Variants in SLC4A8 observed in about 807,000 individuals in gnomAD.
SLC4A8 encodes the protein solute carrier family 4 member 8.
Under a neutral mutation model 125.0 loss-of-function variants are expected in SLC4A8, and 40 were observed. The ratio of observed to expected loss-of-function variants is 0.32; its 90% confidence interval spans 0.25 to 0.42. SLC4A8 has a LOEUF of 0.42. SLC4A8 is among the 10% of genes least tolerant of loss of function. The pLI is 1.00. For synonymous variants in SLC4A8, 456 were observed against 476.0 expected (o/e 0.96, Z 0.55); for missense variants, 863 against 1,355.1 (o/e 0.64, Z 5.70).
intron 2 of SLC4A8, among the ~76,000 whole-genome samples, chr12:51,444,385 C>G (rs979172295): frequency 2.6e-5 from 4 of 152,146 alleles, no homozygotes; most frequent in Non-Finnish European, 5.9e-5. Context: ...GCTCTGACCC[C>G]CTGCCGAACT....
At chr12:51,398,890 C>T (rs1948318115) in intron 1 of SLC4A8, among the ~76,000 whole-genome samples, 1 of 152,294 alleles carries the variant, frequency 6.6e-6, no homozygotes, top group East Asian at 1.9e-4. Context: ...GCTAGGATTA[C>T]AGGCGTGCGC....
At chr12:51,409,607 A>T (rs1016429420) in intron 1 of SLC4A8, among the ~76,000 whole-genome samples, 2 of 152,142 alleles carry the variant, frequency 1.3e-5, no homozygotes, top group Admixed American at 1.3e-4. Context: ...GGCTATTCAT[A>T]GGTGCAATCA....
rs1938347146 is a variant in SLC4A8, at chr12:51,510,993, TG to T, written c.*3556del. 1.3e-5 allele frequency: 2 copies of T among 152,232 alleles called. No homozygotes were observed. Among genetic ancestry groups the T allele is most frequent in the Admixed American group, 1.3e-4 (2 of 15,288 alleles). 9.4% of individuals were successfully genotyped at this position (152,232 alleles called of 1,614,324 possible). On this transcript the variant is annotated 3_prime_UTR_variant, in exon 25 of 25. Transcript: ENST00000453097. ...GACTGTCACCTGTTGCAGATGATGG[TG>T]ATTCTCTTCTTTTTTTTGTCTCCAA...
At chr12:51,405,203 G>A (rs563375235) in intron 1 of SLC4A8, among the ~76,000 whole-genome samples, 42 of 152,310 alleles carry the variant, frequency 2.8e-4, no homozygotes, top group African/African-American at 9.6e-4. Context: ...AGATGCCCTT[G>A]AACCATCCAG....
chr12:51,460,204 T>A (rs1449751718), intron 8 of SLC4A8, 96 bp downstream of exon 8: 8 of 1,035,038 alleles, frequency 7.7e-6, no homozygotes, highest in Non-Finnish European at 1.2e-5. Flanking sequence ...TTAGAATTAA[T>A]TAATTTTAGG....
intron 19 of SLC4A8, among the ~76,000 whole-genome samples, 179 bp downstream of exon 19, chr12:51,490,130 A>C (rs1951270089): frequency 6.6e-6 from 1 of 152,220 alleles, no homozygotes; most frequent in African/African-American, 2.4e-5. Flanking sequence ...GTTAAGAAAC[A>C]AACATGATAA....
chr12:51,494,158 TA>T (rs1374634109), intron 20 of SLC4A8, among the ~76,000 whole-genome samples: 1 of 152,170 alleles, frequency 6.6e-6, no homozygotes, highest in Non-Finnish European at 1.5e-5. Context: ...GGCTAAAGTA[TA>T]AAAATGGGGT....
At chr12:51,433,659 G>T (rs1949270374) in intron 1 of SLC4A8, among the ~76,000 whole-genome samples, 1 of 152,082 alleles carries the variant, frequency 6.6e-6, no homozygotes, top group Non-Finnish European at 1.5e-5. Flanking sequence ...ATAGCCAATT[G>T]GTGAGGAATC....
At chr12:51,474,982 T>G (rs542218645) in intron 15 of SLC4A8, 63 bp from the exon 16 acceptor site, 1 of 1,443,434 alleles carries the variant, frequency 6.9e-7, no homozygotes, top group African/African-American at 1.4e-5. Flanking sequence ...GTGGACTCAG[T>G]AGGAAACAGC....
rs759243656 is a variant in SLC4A8, at chr12:51,457,488, T to A, written c.712T>A (p.Phe238Ile). Residue 238 changes from phenylalanine (F) to isoleucine (I), a missense_variant, in exon 6 of 25, where the codon TTT (phenylalanine) becomes ATT (isoleucine). This residue lies in a region of SLC4A8 where 390 missense variants were observed against 634.4 expected (regional missense o/e 0.61). Transcript: ENST00000453097. Reference sequence around the variant, plus strand: ...CAACCTCATTCCCATTGTTCGCTCCTTTGCTGAGGTTGGCAAGAAGCAGTC... The same window carrying A: ...CAACCTCATTCCCATTGTTCGCTCCATTGCTGAGGTTGGCAAGAAGCAGTC... Reference protein sequence around the residue: ...RNNLIPIVRSFAEVGKKQSDP... With the variant: ...RNNLIPIVRSIAEVGKKQSDP... 1 of 1,614,136 alleles carries A rather than the reference T, an allele frequency of 6.2e-7. No homozygotes were observed. Among genetic ancestry groups the A allele is most frequent in the South Asian group, 1.1e-5 (1 of 91,076 alleles).
chr12:51,480,266 A>G, intron 16 of SLC4A8: 1 of 1,270,334 alleles, frequency 7.9e-7, no homozygotes, highest in Non-Finnish European at 1.0e-6. Flanking sequence ...AGAGTTGGGA[A>G]AAACTGGAGC....
chr12:51,496,205 G>C lies in SLC4A8; in HGVS notation c.2944-782G>C, dbSNP rs1951455498. Among the ~76,000 whole-genome samples the C allele has an allele frequency of 2.0e-5, 3 of 152,332 alleles. 1 individual carries two copies. Among genetic ancestry groups the C allele is most frequent in the Middle Eastern group, 6.8e-3 (2 of 294 alleles). On this transcript the variant is annotated intron_variant, in intron 21 of 24. Transcript: ENST00000453097. ...CAATTCCAGATGTATTAGGAAAGTA[G>C]TCACTAAATTAGAGAGAAATGTACT...
intron 4 of SLC4A8, 42 bp from the exon 5 acceptor site, chr12:51,453,497 C>T: frequency 1.3e-6 from 2 of 1,598,166 alleles, no homozygotes; most frequent in East Asian, 2.2e-5. Flanking sequence ...AAAAATTCCT[C>T]ATTTTCTATC....
At chr12:51,475,250 A>G in intron 16 of SLC4A8, 44 bp downstream of exon 16, 1 of 1,589,392 alleles carries the variant, frequency 6.3e-7, no homozygotes, top group Non-Finnish European at 8.6e-7. Context: ...AGAATCAAAT[A>G]TAACAGAACC....
intron 1 of SLC4A8, among the ~76,000 whole-genome samples, chr12:51,432,410 C>CAA (rs33965654): frequency 0.16 from 14,511 of 91,754 alleles, 1,482 homozygotes; most frequent in East Asian, 0.32. Context: ...GACTCCGCCT[C>CAA]AAAAAAAAAA....
intron 1 of SLC4A8, among the ~76,000 whole-genome samples, chr12:51,395,454 G>C (rs905260122): frequency 6.6e-6 from 1 of 152,208 alleles, no homozygotes; most frequent in African/African-American, 2.4e-5. Context: ...CCACCATAAG[G>C]CAGGAAACCT....
intron 20 of SLC4A8, chr12:51,494,475 GT>G (rs1951408723): frequency 6.8e-6 from 1 of 147,608 alleles, no homozygotes; most frequent in African/African-American, 2.5e-5. Flanking sequence ...ACTTGGGCAG[GT>G]TATTTAATCT....
chr12:51,456,024 A>G (rs1293549321), intron 5 of SLC4A8, among the ~76,000 whole-genome samples: 2 of 152,174 alleles, frequency 1.3e-5, no homozygotes, highest in African/African-American at 4.8e-5. Flanking sequence ...CAGATTTTGC[A>G]TATTAGAAAG....
intron 13 of SLC4A8, among the ~76,000 whole-genome samples, 196 bp downstream of exon 13, chr12:51,470,721 A>C (rs1950666466): frequency 6.6e-6 from 1 of 152,180 alleles, no homozygotes; most frequent in Non-Finnish European, 1.5e-5. Context: ...CCTATTGTTA[A>C]AGAGCTTGAT....
Sources: allele counts gnomAD v4.1 joint callset (sites outside exome capture counted in the v4.1 genomes callset), GRCh38; gene constraint gnomAD v4.1.1; regional missense constraint gnomAD v4.1.1; transcripts MANE v1.5; gene names NCBI Gene and HGNC (gene_info 2026-07-23, HGNC 2026-07-21).